ANAPC7: variants seen among roughly 807,000 people sequenced by gnomAD.
ANAPC7 encodes anaphase-promoting complex subunit 7.
ANAPC7 carries 25 observed loss-of-function variants against 63.3 expected under a neutral mutation model. The observed-to-expected ratio is 0.39, with a 90% CI of 0.29 to 0.55. ANAPC7 has a LOEUF of 0.55. Among genes scored for constraint, ANAPC7 ranks in the 20% least tolerant of loss-of-function variants. The pLI is 0.57. For missense variants in ANAPC7, 516 were observed against 691.7 expected (o/e 0.75, Z 2.85); for synonymous variants, 241 against 251.7 (o/e 0.96, Z 0.40).
intron 4 of ANAPC7, among the ~76,000 whole-genome samples, chr12:110,388,141 A>T (rs1169433991): frequency 6.6e-6 from 1 of 152,096 alleles, no homozygotes; most frequent in Non-Finnish European, 1.5e-5. Flanking sequence ...GGTTCAAGCG[A>T]TACTCATGCC....
intron 6 of ANAPC7, among the ~76,000 whole-genome samples, chr12:110,383,892 A>G (rs1269528563): frequency 1.1e-4 from 14 of 131,798 alleles, no homozygotes; most frequent in South Asian, 2.3e-4. Flanking sequence ...AAAAAAAAAA[A>G]AAAAAAGAAA....
chr12:110,374,007 G>A lies in ANAPC7; in HGVS notation c.*137C>T. ...AAATGAAGTCACGACTAGGAATTGG[G>A]AGCGAGGGGGCAGAGACCCCTGCTG... On this transcript the variant is annotated 3_prime_UTR_variant, in exon 11 of 11. Transcript: ENST00000455511. The A allele has an allele frequency of 1.0e-6, 1 of 980,608 alleles. No homozygotes were observed. The highest frequency in any genetic ancestry group is 2.0e-5 in the South Asian group (1 of 49,044). 60.7% of individuals were successfully genotyped at this position (980,608 alleles called of 1,614,324 possible).
chr12:110,388,172 G>A (rs553494765), intron 4 of ANAPC7, among the ~76,000 whole-genome samples: 1 of 152,214 alleles, frequency 6.6e-6, no homozygotes, highest in East Asian at 1.9e-4. Flanking sequence ...GAGAAGCTGG[G>A]ACTACAGGCA....
intron 1 of ANAPC7, among the ~76,000 whole-genome samples, chr12:110,397,534 G>A (rs887713912): frequency 6.6e-5 from 10 of 150,730 alleles, no homozygotes; most frequent in Admixed American, 2.0e-4. Context: ...ACTCCAGCCT[G>A]GCGACAGAGC....
At chr12:110,394,669 C>CAAAAAAAAAAAAAAAAAAAAAAAAAA (rs779142936) in intron 3 of ANAPC7, among the ~76,000 whole-genome samples, 4 of 42,776 alleles carry the variant, frequency 9.4e-5, no homozygotes, top group African/African-American at 4.2e-4. Flanking sequence ...AATTCCACCT[C>CAAAAAAAAAAAAAAAAAAAAAAAAAA]AAAAAAAAAA....
At chr12:110,376,038 C>A in intron 10 of ANAPC7, 28 bp downstream of exon 10, 1 of 1,596,340 alleles carries the variant, frequency 6.3e-7, no homozygotes, top group Non-Finnish European at 8.6e-7. Context: ...TCCTCAGTGG[C>A]CTTCCCCCAA....
chr12:110,395,318 C>CTTT, intron 2 of ANAPC7, 98 bp from the exon 3 acceptor site: 15 of 988,512 alleles, frequency 1.5e-5, no homozygotes, highest in South Asian at 3.6e-5. Flanking sequence ...CCCAGCAATT[C>CTTT]TTTTTTTTTT....
At chr12:110,389,014 G>T (rs568819695) in intron 3 of ANAPC7, among the ~76,000 whole-genome samples, 1 of 150,700 alleles carries the variant, frequency 6.6e-6, no homozygotes, top group African/African-American at 2.4e-5. Context: ...ACCGGGAGGC[G>T]GAGCTTGCAG....
intron 3 of ANAPC7, among the ~76,000 whole-genome samples, chr12:110,392,009 T>G (rs1883132314): frequency 6.9e-6 from 1 of 144,740 alleles, no homozygotes; most frequent in South Asian, 2.1e-4. Context: ...GGGGAATCGC[T>G]TGAACCCGGG....
At position 110,386,693 on chromosome 12, in the gene ANAPC7, T is replaced by C. The variant is rs1882484439; in HGVS notation, c.675-224A>G. ...CTCTCAGTACCAACAAATAACTCTG[T>C]GGTTGCAGTTCTTCAGAACACAACA... On this transcript the variant is annotated intron_variant, in intron 5 of 10. Coordinates refer to ENST00000455511, the MANE Select transcript of ANAPC7 (RefSeq NM_016238.3). 1.3e-5 allele frequency: 6 copies of C among 457,192 alleles called. No homozygotes were observed. In the East Asian group the frequency reaches 2.4e-4, roughly 18 times the overall value. The allele number at this position is 457,192 out of a possible 1,614,324, so 28.3% of individuals were successfully genotyped here. A position where few individuals can be genotyped will look rare whatever the true frequency, so the allele number is the denominator to read the frequency against.
intron 4 of ANAPC7, among the ~76,000 whole-genome samples, chr12:110,388,169 T>C (rs893328367): frequency 6.6e-6 from 1 of 152,120 alleles, no homozygotes; most frequent in African/African-American, 2.4e-5. Flanking sequence ...TCCGAGAAGC[T>C]GGGACTACAG....
At chr12:110,392,968 T>C (rs1418343230) in intron 3 of ANAPC7, among the ~76,000 whole-genome samples, 1 of 152,158 alleles carries the variant, frequency 6.6e-6, no homozygotes, top group Non-Finnish European at 1.5e-5. Context: ...GCTAATTTTA[T>C]ATTTTTAGTA....
At chr12:110,375,369 T>A in intron 10 of ANAPC7, 1 of 950,872 alleles carries the variant, frequency 1.1e-6, no homozygotes, top group Non-Finnish European at 1.3e-6. Context: ...CAAGTGGTGC[T>A]CAACTGTGTG....
intron 3 of ANAPC7, 89 bp from the exon 4 acceptor site, chr12:110,388,712 GTTAT>G: frequency 1.0e-6 from 1 of 956,918 alleles, no homozygotes; most frequent in Admixed American, 2.1e-5. Context: ...TTCATTACCA[GTTAT>G]TTACTTTTTA....
intron 5 of ANAPC7, chr12:110,387,379 G>C (rs868254930): frequency 8.9e-6 from 1 of 111,774 alleles, no homozygotes; most frequent in Admixed American, 9.2e-5. Flanking sequence ...GAGAGAGAGA[G>C]AGACAGAGAG....
chr12:110,383,037 A>T, intron 6 of ANAPC7, 77 bp from the exon 7 acceptor site: 3 of 1,089,534 alleles, frequency 2.8e-6, no homozygotes, highest in South Asian at 2.9e-5. Context: ...GTAGCACCCA[A>T]CATCAGACCC....
chr12:110,396,211 C>A, intron 2 of ANAPC7, 55 bp downstream of exon 2: 1 of 1,506,926 alleles, frequency 6.6e-7, no homozygotes, highest in South Asian at 1.2e-5. Flanking sequence ...GTTCTAAATT[C>A]TTGGAGTCTT....
intron 8 of ANAPC7, 101 bp from the exon 9 acceptor site, chr12:110,377,718 G>A (rs769651432): frequency 1.3e-6 from 2 of 1,558,792 alleles, no homozygotes; most frequent in Non-Finnish European, 1.7e-6. Flanking sequence ...CAAAGTTTCA[G>A]ACAAAGGGCA....
chr12:110,397,976 T>C (rs919844694), intron 1 of ANAPC7, among the ~76,000 whole-genome samples: 6 of 151,914 alleles, frequency 3.9e-5, no homozygotes, highest in African/African-American at 1.5e-4. Flanking sequence ...CTGAGCTCAG[T>C]AGCTTGCACC....
Sources: allele counts gnomAD v4.1 joint callset (sites outside exome capture counted in the v4.1 genomes callset), GRCh38; gene constraint gnomAD v4.1.1; transcripts MANE v1.5; gene names NCBI Gene and HGNC (gene_info 2026-07-23, HGNC 2026-07-21).